HYCC1: variants seen among roughly 807,000 people sequenced by gnomAD.
HYCC1 encodes hyccin PI4KA lipid kinase complex subunit 1, also known as hyccin.
the HYCC1 span, among the ~76,000 whole-genome samples, chr7:22,988,961 G>A: frequency 6.6e-6 from 1 of 151,958 alleles, no homozygotes; most frequent in African/African-American, 2.4e-5. Flanking sequence ...CACTTCCTAG[G>A]TGTCTATATA....
the HYCC1 span, among the ~76,000 whole-genome samples, chr7:22,984,907 A>C: frequency 1.3e-5 from 2 of 152,248 alleles, no homozygotes; most frequent in African/African-American, 4.8e-5. Context: ...CCACCTATTC[A>C]GAACAAACAC....
chr7:22,966,978 G>A, the HYCC1 span, among the ~76,000 whole-genome samples: 1 of 152,140 alleles, frequency 6.6e-6, no homozygotes, highest in Non-Finnish European at 1.5e-5. Flanking sequence ...ATTAACTAAA[G>A]AAGCAAACAA....
chr7:22,931,104 A>C, the HYCC1 span, among the ~76,000 whole-genome samples: 1 of 152,234 alleles, frequency 6.6e-6, no homozygotes, highest in East Asian at 1.9e-4. Context: ...GAAATTAGTT[A>C]GGATGAAGTC....
chr7:22,924,970 C>T, the HYCC1 span, among the ~76,000 whole-genome samples: 15 of 152,186 alleles, frequency 9.9e-5, no homozygotes, highest in African/African-American at 3.6e-4. Context: ...GCCGGGTACT[C>T]CTCTGAGCCA....
the HYCC1 span, among the ~76,000 whole-genome samples, chr7:22,950,285 T>C: frequency 6.6e-6 from 1 of 152,038 alleles, no homozygotes; most frequent in Non-Finnish European, 1.5e-5. Flanking sequence ...CCTTTTTTCT[T>C]CTTCTTAGCA....
chr7:22,951,269 T>C, the HYCC1 span, among the ~76,000 whole-genome samples: 1 of 151,960 alleles, frequency 6.6e-6, no homozygotes, highest in Non-Finnish European at 1.5e-5. Flanking sequence ...ATTTGTTTTA[T>C]GGCTGCCATA....
At chr7:22,980,286 T>C in the HYCC1 span, among the ~76,000 whole-genome samples, 4 of 151,584 alleles carry the variant, frequency 2.6e-5, no homozygotes, top group Non-Finnish European at 5.9e-5. Flanking sequence ...TTTTTTTTTT[T>C]CATGGAAACC....
the HYCC1 span, among the ~76,000 whole-genome samples, chr7:22,950,579 A>G: frequency 1.3e-5 from 2 of 152,034 alleles, no homozygotes; most frequent in Admixed American, 6.6e-5. Flanking sequence ...TGAAATACAT[A>G]TAGCTTATGC....
chr7:23,010,236 C>A, the HYCC1 span, among the ~76,000 whole-genome samples: 1 of 152,172 alleles, frequency 6.6e-6, no homozygotes, highest in Admixed American at 6.5e-5. Flanking sequence ...GTCTTCCTTT[C>A]TTACTAGCCA....
At chr7:22,906,076 T>C in the HYCC1 span, among the ~76,000 whole-genome samples, 1 of 152,176 alleles carries the variant, frequency 6.6e-6, no homozygotes, top group African/African-American at 2.4e-5. Context: ...ATAATGATAA[T>C]GATGATGATG....
chr7:22,942,025 T>C, the HYCC1 span: 5 of 152,196 alleles, frequency 3.3e-5, no homozygotes, highest in African/African-American at 1.2e-4. Context: ...ACAGATTTAT[T>C]GTGCCTAAAC....
the HYCC1 span, among the ~76,000 whole-genome samples, chr7:22,895,951 C>A: frequency 3.3e-5 from 5 of 152,152 alleles, no homozygotes; most frequent in African/African-American, 9.7e-5. Flanking sequence ...GAAAAAGATT[C>A]CAAGTTCTTC....
chr7:23,000,863 AG>A, the HYCC1 span, among the ~76,000 whole-genome samples: 3 of 152,142 alleles, frequency 2.0e-5, no homozygotes, highest in Admixed American at 6.6e-5. Context: ...GGAGGACAGC[AG>A]AAAAAAAAGG....
chr7:22,941,859 A>G, the HYCC1 span: 1 of 152,186 alleles, frequency 6.6e-6, no homozygotes, highest in Non-Finnish European at 1.5e-5. Flanking sequence ...TTAATTTTTC[A>G]TACAAAGACT....
chr7:22,928,701 G>A, the HYCC1 span, among the ~76,000 whole-genome samples: 171 of 152,234 alleles, frequency 1.1e-3, no homozygotes, highest in Non-Finnish European at 2.1e-3. Context: ...ACAAACAAAT[G>A]GAAGAACATT....
the HYCC1 span, among the ~76,000 whole-genome samples, chr7:22,924,984 C>T: frequency 1.3e-5 from 2 of 152,218 alleles, no homozygotes; most frequent in African/African-American, 2.4e-5. Flanking sequence ...TGAGCCAAAA[C>T]TTCCAGAGGA....
the HYCC1 span, among the ~76,000 whole-genome samples, chr7:22,984,523 C>A: frequency 6.6e-6 from 1 of 151,970 alleles, no homozygotes; most frequent in East Asian, 1.9e-4. Flanking sequence ...AGTTCAAGAC[C>A]AGCCTGGGCA....
chr7:22,959,838 C>A, the HYCC1 span, among the ~76,000 whole-genome samples: 5 of 152,084 alleles, frequency 3.3e-5, no homozygotes, highest in Admixed American at 1.3e-4. Context: ...CCAGAAAGTG[C>A]AGACAAAGTG....
chr7:22,958,170 G>A, the HYCC1 span, among the ~76,000 whole-genome samples: 1 of 152,072 alleles, frequency 6.6e-6, no homozygotes, highest in Non-Finnish European at 1.5e-5. Flanking sequence ...GCAGGACCAT[G>A]AGGATGGAAA....
Sources: gnomAD v4.1 joint callset for allele counts (sites outside exome capture counted in the v4.1 genomes callset) on GRCh38, gnomAD v4.1.1 for gene constraint, MANE v1.5 for transcripts, NCBI Gene and HGNC (gene_info 2026-07-23, HGNC 2026-07-21) for gene names.